The following APOO variants were observed in gnomAD, a reference collection of about 807,000 sequenced individuals.
The protein encoded by APOO is MICOS complex subunit MIC26.
A neutral mutation model predicts 23.1 loss-of-function variants in APOO; 11 were observed. That is an observed-to-expected ratio of 0.48 (90% CI 0.30 to 0.79). The LOEUF is 0.79. Among genes scored for constraint, APOO ranks in the 30% least tolerant of loss-of-function variants. The pLI is 0.07. For missense variants in APOO, 160 were observed against 142.7 expected (o/e 1.12, Z -0.62); for synonymous variants, 59 against 54.8 (o/e 1.08, Z -0.34).
intron 5 of APOO, among the ~76,000 whole-genome samples, chrX:23,866,350 C>A (rs1925334835): frequency 1.8e-5 from 2 of 112,089 alleles, no homozygotes; most frequent in South Asian, 7.3e-4. Context: ...CAAAAATAAG[C>A]TGGAAATTTA....
At chrX:23,892,328 T>G (rs1420428131) in intron 1 of APOO, among the ~76,000 whole-genome samples, 1 of 100,823 alleles carries the variant, frequency 9.9e-6, no homozygotes, top group Non-Finnish European at 2.0e-5. Flanking sequence ...CTCCACTCAC[T>G]GCAACCTCCG....
intron 1 of APOO, chrX:23,883,540 T>G (rs1472929576): frequency 9.0e-6 from 1 of 111,124 alleles, no homozygotes; most frequent in East Asian, 2.8e-4. Flanking sequence ...GAGTGCTACT[T>G]CCACCATTCA....
rs762477859 is a variant in APOO at position 23,905,199 on chromosome X, C to T, written c.9+2495G>A. Among the ~76,000 whole-genome samples the T allele has an allele frequency of 1.3e-4, 14 of 108,995 alleles. No individual in the cohort carries two copies. The East Asian group carries it at 2.0e-3, about 16-fold the overall frequency. 94.6% of individuals were successfully genotyped at this position (108,995 alleles called of 115,157 possible). On this transcript the variant is annotated intron_variant, in intron 1 of 8. Transcript: ENST00000379226. ...GTCAGGAGTTCGAGACCAGCCTGGC[C>T]AACACATGGTGAAACTCCGTCTTTA...
intron 7 of APOO, among the ~76,000 whole-genome samples, chrX:23,848,427 G>T (rs2146973653): frequency 8.9e-6 from 1 of 111,854 alleles, no homozygotes; most frequent in South Asian, 3.6e-4. Flanking sequence ...GCCTGCCAAA[G>T]TGCTGGGATT....
At chrX:23,844,512 G>C (rs749739351) in intron 7 of APOO, among the ~76,000 whole-genome samples, 1 of 111,234 alleles carries the variant, frequency 9.0e-6, no homozygotes, top group African/African-American at 3.3e-5. Context: ...AGGTCAGAAG[G>C]GGGATCTGCA....
intron 1 of APOO, among the ~76,000 whole-genome samples, chrX:23,895,256 C>A (rs1349840261): frequency 8.9e-6 from 1 of 111,930 alleles, no homozygotes; most frequent in Non-Finnish European, 1.9e-5. Flanking sequence ...GGAAGCAACC[C>A]AAATGCCCAT....
At chrX:23,860,888 C>T (rs1924990292) in intron 5 of APOO, among the ~76,000 whole-genome samples, 1 of 108,570 alleles carries the variant, frequency 9.2e-6, no homozygotes, top group Middle Eastern at 4.7e-3. Context: ...ACCTGTAATC[C>T]CAGCACTTTG....
chrX:23,843,702 GC>G (rs1924109292), intron 7 of APOO, among the ~76,000 whole-genome samples: 1 of 104,857 alleles, frequency 9.5e-6, no homozygotes, highest in Non-Finnish European at 1.9e-5. Flanking sequence ...TCCTGCCTCA[GC>G]CTCCTGAGTA....
intron 5 of APOO, among the ~76,000 whole-genome samples, chrX:23,863,497 C>T (rs984711227): frequency 5.4e-5 from 6 of 111,803 alleles, no homozygotes; most frequent in East Asian, 2.8e-4. Context: ...ACATCTACAA[C>T]GCCAGATGCT....
At chrX:23,858,595 A>G (rs1485871019) in intron 6 of APOO, 47 bp downstream of exon 6, 1 of 1,123,606 alleles carries the variant, frequency 8.9e-7, no homozygotes, top group Middle Eastern at 2.4e-4. Flanking sequence ...ATTCATACAC[A>G]CACAAACAAG....
chrX:23,878,765 T>TCC (rs1925974769), intron 3 of APOO, 150 bp downstream of exon 3: 9 of 676,314 alleles, frequency 1.3e-5, no homozygotes, highest in Non-Finnish European at 1.9e-5. Flanking sequence ...TCCCCACCTT[T>TCC]CCCCCAGACC....
chrX:23,847,238 T>C (rs1190333365), intron 7 of APOO, among the ~76,000 whole-genome samples: 1 of 112,178 alleles, frequency 8.9e-6, no homozygotes, highest in Non-Finnish European at 1.9e-5. Context: ...CAGTTTGAAC[T>C]TTAATAAGAC....
At chrX:23,834,395 C>CAAAAAAAA (rs1215835629) in intron 8 of APOO, among the ~76,000 whole-genome samples, 1 of 31,942 alleles carries the variant, frequency 3.1e-5, no homozygotes, top group Non-Finnish European at 6.3e-5. Context: ...AACTCTGTCT[C>CAAAAAAAA]AAAAAAAAAA....
chrX:23,856,150 A>C, intron 7 of APOO, 152 bp downstream of exon 7: 1 of 560,606 alleles, frequency 1.8e-6, no homozygotes, highest in Non-Finnish European at 2.9e-6. Context: ...CTGCTCTACC[A>C]AGAAAGGTCA....
intron 2 of APOO, among the ~76,000 whole-genome samples, chrX:23,879,436 A>T (rs979991744): frequency 5.4e-5 from 6 of 111,696 alleles, no homozygotes; most frequent in African/African-American, 2.0e-4. Context: ...TCCATCTCAA[A>T]AATAATAATA....
intron 7 of APOO, among the ~76,000 whole-genome samples, chrX:23,842,222 C>G (rs936379950): frequency 4.5e-5 from 5 of 110,813 alleles, no homozygotes; most frequent in Admixed American, 9.7e-5. Context: ...AATCCTGTCT[C>G]TAAAAAAAAT....
At chrX:23,835,152 C>A (rs1923600711) in intron 8 of APOO, among the ~76,000 whole-genome samples, 2 of 107,660 alleles carry the variant, frequency 1.9e-5, no homozygotes, top group Admixed American at 1.0e-4. Flanking sequence ...ACCTCCATCT[C>A]CCGGGTTCAA....
intron 7 of APOO, among the ~76,000 whole-genome samples, chrX:23,848,688 CTT>C (rs762700350): frequency 1.3e-4 from 12 of 95,228 alleles, no homozygotes; most frequent in Non-Finnish European, 1.3e-4. Context: ...ATTTTCTTTT[CTT>C]TTTTTTTTTT....
chrX:23,858,618 C>T, intron 6 of APOO, 24 bp downstream of exon 6: 1 of 1,176,909 alleles, frequency 8.5e-7, no homozygotes, highest in African/African-American at 1.8e-5. Context: ...TGAGGGACAT[C>T]ATGGATTACA....
Sources: gnomAD v4.1 joint callset for allele counts (sites outside exome capture counted in the v4.1 genomes callset) on GRCh38, gnomAD v4.1.1 for gene constraint, MANE v1.5 for transcripts, NCBI Gene and HGNC (gene_info 2026-07-23, HGNC 2026-07-21) for gene names.